STMND1: variants seen among roughly 807,000 people sequenced by gnomAD.
The protein encoded by STMND1 is stathmin domain containing 1.
Under a neutral mutation model 23.0 loss-of-function variants are expected in STMND1, and 17 were observed. That is an observed-to-expected ratio of 0.74 (90% CI 0.51 to 1.11). The LOEUF (loss-of-function observed/expected upper bound fraction) is 1.11, where lower values mean the gene tolerates loss of function less well. Among genes scored for constraint, STMND1 ranks in the 50% least tolerant of loss-of-function variants. The probability of loss-of-function intolerance (pLI) is 0.00; values close to 1 mark genes in which losing one functional copy is unlikely to be tolerated. For missense variants in STMND1, 305 were observed against 329.1 expected, an observed-to-expected ratio of 0.93 and a Z score of 0.57; for synonymous variants, 114 against 119.9, an observed-to-expected ratio of 0.95 and a Z score of 0.32.
chr6:17,123,336 T>C (rs559287360), intron 3 of STMND1, among the ~76,000 whole-genome samples: 4 of 152,340 alleles, frequency 2.6e-5, no homozygotes, highest in African/African-American at 9.6e-5. Context: ...GATTTAAATG[T>C]GACAGCCTTC....
chr6:17,102,116 G>A lies in STMND1; in HGVS notation c.-142G>A. On this transcript the variant is annotated 5_prime_UTR_variant, in exon 1 of 5. Transcript: ENST00000536551. ...GGTTTAAGCGCGGGAAGTGGGAGAG[G>A]CGGGTGGCGCCCGAGCGCAGTAGCA... 2 of 748,254 alleles carry A rather than the reference G, an allele frequency of 2.7e-6. No homozygotes were observed. The highest frequency in any genetic ancestry group is 4.3e-5 in the Admixed American group (1 of 23,068). 46.4% of individuals were successfully genotyped at this position (748,254 alleles called of 1,614,324 possible).
At chr6:17,109,883 T>C (rs1761074855) in intron 1 of STMND1, among the ~76,000 whole-genome samples, 1 of 152,230 alleles carries the variant, frequency 6.6e-6, no homozygotes, top group Non-Finnish European at 1.5e-5. Flanking sequence ...TTTTCATTTA[T>C]TTCCATGGAT....
intron 1 of STMND1, among the ~76,000 whole-genome samples, chr6:17,110,203 A>G (rs1761078862): frequency 6.6e-6 from 1 of 152,192 alleles, no homozygotes; most frequent in Non-Finnish European, 1.5e-5. Flanking sequence ...AACTTTTATC[A>G]CAGTACAGCA....
chr6:17,115,928 G>T (rs1184117277), intron 2 of STMND1, among the ~76,000 whole-genome samples: 5 of 152,072 alleles, frequency 3.3e-5, no homozygotes, highest in Non-Finnish European at 5.9e-5. Context: ...TTTTCTATTC[G>T]CCCTCCCCTT....
At chr6:17,121,909 C>T (rs1761238606) in intron 3 of STMND1, among the ~76,000 whole-genome samples, 1 of 149,658 alleles carries the variant, frequency 6.7e-6, no homozygotes, top group African/African-American at 2.5e-5. Flanking sequence ...GTCACCCAGG[C>T]TAGAGTGCAG....
At chr6:17,125,643 G>C (rs957180722) in intron 3 of STMND1, among the ~76,000 whole-genome samples, 2 of 152,092 alleles carry the variant, frequency 1.3e-5, no homozygotes, top group Non-Finnish European at 2.9e-5. Flanking sequence ...GACTGAGTTA[G>C]GACTCAATAA....
At chr6:17,126,070 A>ATATATT (rs1561925814) in intron 3 of STMND1, among the ~76,000 whole-genome samples, 3 of 20,532 alleles carry the variant, frequency 1.5e-4, no homozygotes, top group African/African-American at 2.6e-4. Flanking sequence ...ATATATATAT[A>ATATATT]TTTTTTTTTT....
intron 3 of STMND1, among the ~76,000 whole-genome samples, chr6:17,122,480 C>T (rs1239186350): frequency 6.6e-6 from 1 of 152,028 alleles, no homozygotes; most frequent in Non-Finnish European, 1.5e-5. Context: ...ACAGTCCATT[C>T]GGAATTAAAA....
At chr6:17,115,192 T>G in intron 2 of STMND1, 53 bp downstream of exon 2, 2 of 1,468,514 alleles carry the variant, frequency 1.4e-6, no homozygotes, top group Non-Finnish European at 1.8e-6. Flanking sequence ...ACTGTTTCTC[T>G]AAATACGTTT....
At chr6:17,104,344 G>A (rs1456722420) in intron 1 of STMND1, among the ~76,000 whole-genome samples, 1 of 151,682 alleles carries the variant, frequency 6.6e-6, no homozygotes, top group African/African-American at 2.4e-5. Context: ...TTATTTTGCT[G>A]GCCTGATTAC....
At chr6:17,102,364 A>AG (rs1760953347) in intron 1 of STMND1, 26 bp downstream of exon 1, 11 of 1,534,932 alleles carry the variant, frequency 7.2e-6, no homozygotes, top group African/African-American at 1.4e-5. Flanking sequence ...ACAAACAAAC[A>AG]AACAAACAGA....
chr6:17,130,874 T>C lies in STMND1; in HGVS notation c.824T>C (p.Val275Ala). The change falls in exon 5 of 5, where the codon GTC becomes GCC. Residue 275 changes from valine to alanine, a missense_variant. Val to Ala is a moderately conservative substitution (Grantham distance 64). Coordinates refer to ENST00000536551, the MANE Select transcript of STMND1 (RefSeq NM_001190766.2). ...TCCTACAACCAAGCAGATGACATAG[T>C]CTACTAAGCCATTTTTTGTGAATTT... ...DMSYNQADDI[V>A]Y 6.6e-7 allele frequency: 1 copy of C among 1,513,234 alleles called. No individual in the cohort carries two copies. The allele number at this position is 1,513,234 out of a possible 1,614,324, so 93.7% of individuals were successfully genotyped here.
At chr6:17,124,870 G>C (rs1761276413) in intron 3 of STMND1, among the ~76,000 whole-genome samples, 1 of 151,570 alleles carries the variant, frequency 6.6e-6, no homozygotes, top group Admixed American at 6.6e-5. Flanking sequence ...ATGGTGGTGT[G>C]CACCTGTAGT....
At position 17,131,028 on chromosome 6, in the gene STMND1, G is replaced by A; in HGVS notation, c.*147G>A. 1.4e-6 allele frequency: 1 copy of A among 725,122 alleles called. No individual in the cohort carries two copies. The highest frequency in any genetic ancestry group is 2.5e-5 in the South Asian group (1 of 39,838). The allele number at this position is 725,122 out of a possible 1,614,324, so 44.9% of individuals were successfully genotyped here. ...GATGATTGTGTGGGCTGCACAGGCT[G>A]AAGGTTAGTTGAGTAAATTAAGTAG... On this transcript the variant is annotated 3_prime_UTR_variant, in exon 5 of 5. Coordinates refer to ENST00000536551, the MANE Select transcript of STMND1 (RefSeq NM_001190766.2).
At chr6:17,122,861 T>G (rs1429554820) in intron 3 of STMND1, among the ~76,000 whole-genome samples, 1 of 152,056 alleles carries the variant, frequency 6.6e-6, no homozygotes, top group Non-Finnish European at 1.5e-5. Flanking sequence ...TATTTGAAAG[T>G]GCTAGAAGAA....
At position 17,130,606 on chromosome 6, in the gene STMND1, G is replaced by T; in HGVS notation, c.556G>T (p.Glu186Ter). The T allele has an allele frequency of 6.6e-7, 1 of 1,512,146 alleles. No individual in the cohort carries two copies. The highest frequency in any genetic ancestry group is 8.8e-7 in the Non-Finnish European group (1 of 1,137,530). 93.7% of individuals were successfully genotyped at this position (1,512,146 alleles called of 1,614,324 possible). ...TACTGCATTTCAGACTAAAGAAGAA[G>T]AAATAAGAAAAAGGCTACGGAGTGA... is the stretch of plus-strand genomic sequence containing the variant. ...AEERRKTKEE[E>*]IRKRLRSDRL... is the part of the protein sequence containing the mutation. Residue 186 changes from glutamate (E) to a stop codon, truncating the protein, a stop_gained, in exon 5 of 5, where the codon GAA (glutamate) becomes TAA (stop). Coordinates refer to ENST00000536551, the MANE Select transcript of STMND1 (RefSeq NM_001190766.2). LOFTEE classifies it low-confidence loss of function (END_TRUNC).
At chr6:17,117,428 C>T (rs977392632) in intron 2 of STMND1, among the ~76,000 whole-genome samples, 4 of 152,036 alleles carry the variant, frequency 2.6e-5, no homozygotes, top group Non-Finnish European at 5.9e-5. Flanking sequence ...CAAATTTTGT[C>T]AATTGTCTCA....
intron 4 of STMND1, 29 bp downstream of exon 4, chr6:17,129,272 G>T (rs962291495): frequency 3.1e-5 from 47 of 1,531,166 alleles, no homozygotes; most frequent in Non-Finnish European, 3.8e-5. Context: ...CTCTAGGCTT[G>T]AGGAGTTCGC....
At chr6:17,129,475 G>T (rs1005258330) in intron 4 of STMND1, among the ~76,000 whole-genome samples, 21 of 150,648 alleles carry the variant, frequency 1.4e-4, no homozygotes, top group African/African-American at 4.9e-4. Flanking sequence ...GGGCTCAAGC[G>T]GTCCCCCTGT....
Sources: allele counts gnomAD v4.1 joint callset (sites outside exome capture counted in the v4.1 genomes callset), GRCh38; gene constraint gnomAD v4.1.1; transcripts MANE v1.5; gene names NCBI Gene and HGNC (gene_info 2026-07-23, HGNC 2026-07-21).